NUDC: variants seen among roughly 807,000 people sequenced by gnomAD.
The protein encoded by NUDC is nuclear migration protein nudC.
NUDC carries 14 observed loss-of-function variants against 45.0 expected under a neutral mutation model. The observed-to-expected ratio is 0.31, with a 90% CI of 0.21 to 0.49. The LOEUF is 0.49. Among genes scored for constraint, NUDC ranks in the 20% least tolerant of loss-of-function variants. The probability of loss-of-function intolerance (pLI) is 0.99; values close to 1 mark genes in which losing one functional copy is unlikely to be tolerated. For synonymous variants in NUDC, 153 were observed against 156.7 expected (o/e 0.98, Z 0.17); for missense variants, 323 against 426.2 (o/e 0.76, Z 2.13).
At chr1:26,942,095 C>G (rs1292482775) in intron 4 of NUDC, among the ~76,000 whole-genome samples, 1 of 152,038 alleles carries the variant, frequency 6.6e-6, no homozygotes, top group African/African-American at 2.4e-5. Context: ...AGTTCAAGAC[C>G]AACTTGGCCA....
chr1:26,930,051 C>T (rs1477283502), intron 2 of NUDC, among the ~76,000 whole-genome samples: 5 of 152,096 alleles, frequency 3.3e-5, no homozygotes, highest in African/African-American at 1.2e-4. Flanking sequence ...ACAACAGCCA[C>T]AACAAATGTA....
Position 26,905,152 on chromosome 1 carries a change from TTA to T in NUDC, c.-16+2788_-16+2789del, listed in dbSNP as rs1484783236. Among the ~76,000 whole-genome samples the T allele has an allele frequency of 2.4e-5, 3 of 127,176 alleles. No homozygotes were observed. The South Asian group carries it at 7.8e-4, about 33-fold the overall frequency. The allele number at this position is 127,176 out of a possible 152,430, so 83.4% of individuals were successfully genotyped here. A position where few individuals can be genotyped will look rare whatever the true frequency, so the allele number is the denominator to read the frequency against. Reference sequence around the variant, plus strand: ...TGAGCCTGGCCTATTATTATTATTATTATTATTTTTTTTTTTTTTTTTTTTTG... The same window carrying T: ...TGAGCCTGGCCTATTATTATTATTATTTATTTTTTTTTTTTTTTTTTTTTG... On this transcript the variant is annotated intron_variant, in intron 2 of 6. Coordinates refer to the NUDC transcript ENST00000435827.
At chr1:26,945,241 C>T (rs1472765742) in intron 6 of NUDC, 149 bp from the exon 7 acceptor site, 2 of 697,974 alleles carry the variant, frequency 2.9e-6, no homozygotes, top group African/African-American at 3.5e-5. Flanking sequence ...AGGAAGGGCA[C>T]AGTCTTGTAC....
chr1:26,933,225 G>A lies in NUDC; in HGVS notation c.160-8232G>A, dbSNP rs537042409. On this transcript the variant is annotated intron_variant, in intron 2 of 8. Transcript: ENST00000321265. ...CTGGGATTACAGGCTTGACCACCGCGCCCGGCCACAATTTTTTTTTTTAAA... is the reference window on the plus strand; with the variant it reads ...CTGGGATTACAGGCTTGACCACCGCACCCGGCCACAATTTTTTTTTTTAAA... 4.0e-5 allele frequency among the ~76,000 whole-genome samples: 6 copies of A among 151,166 alleles called. No homozygotes were observed. In the East Asian group the frequency reaches 7.9e-4, roughly 20 times the overall value.
intron 6 of NUDC, among the ~76,000 whole-genome samples, chr1:26,943,411 T>G (rs568848804): frequency 6.6e-6 from 1 of 151,350 alleles, no homozygotes; most frequent in East Asian, 1.9e-4. Context: ...GACCGGGGGG[T>G]CTCACTATAT....
At chr1:26,926,704 G>A (rs2082135761) in intron 2 of NUDC, among the ~76,000 whole-genome samples, 1 of 151,924 alleles carries the variant, frequency 6.6e-6, no homozygotes, top group Non-Finnish European at 1.5e-5. Context: ...GGTTGTAAGT[G>A]ATTCTCCTGC....
chr1:26,921,343 A>G (rs908830470), upstream of NUDC, among the ~76,000 whole-genome samples: 1 of 152,220 alleles, frequency 6.6e-6, no homozygotes, highest in Non-Finnish European at 1.5e-5. Flanking sequence ...GAGGTCGATG[A>G]GGAGGAGGCT....
chr1:26,941,220 C>T (rs146437675), intron 2 of NUDC, among the ~76,000 whole-genome samples: 7 of 151,812 alleles, frequency 4.6e-5, no homozygotes, highest in African/African-American at 7.3e-5. Flanking sequence ...TGAGCCAGCG[C>T]GCCCGGCCAA....
chr1:26,927,860 A>T (rs1448536553), intron 2 of NUDC, among the ~76,000 whole-genome samples: 1 of 152,176 alleles, frequency 6.6e-6, no homozygotes, highest in East Asian at 1.9e-4. Context: ...CAGTGCATAT[A>T]ATGTGCATTA....
rs374895246 is a variant in NUDC at position 26,941,541 on chromosome 1, C to T, written c.244C>T (p.Arg82Trp). The part of the protein sequence containing the change: ...EKRARQEAER[R>W]EKAERAARLA... Reference sequence around the variant, plus strand: ...GAGAGCCCGGCAGGAGGCCGAGCGGCGGGAGAAGGCGGAGCGGGCGGCCAG... The same window carrying T: ...GAGAGCCCGGCAGGAGGCCGAGCGGTGGGAGAAGGCGGAGCGGGCGGCCAG... The change falls in exon 3 of 9, where the codon CGG becomes TGG. Residue 82 changes from arginine (R) to tryptophan (W), a missense_variant. Transcript: ENST00000321265. The T allele has an allele frequency of 1.2e-5, 20 of 1,611,958 alleles. No homozygotes were observed. The highest frequency in any genetic ancestry group is 6.7e-5 in the African/African-American group (5 of 74,872).
At chr1:26,936,630 C>G (rs966069349) in intron 2 of NUDC, among the ~76,000 whole-genome samples, 13 of 151,860 alleles carry the variant, frequency 8.6e-5, no homozygotes, top group African/African-American at 3.1e-4. Flanking sequence ...GTGAGTCACC[C>G]TACCTGGCCT....
At chr1:26,908,135 C>T (rs1334645075) in intron 2 of NUDC, among the ~76,000 whole-genome samples, 2 of 151,854 alleles carry the variant, frequency 1.3e-5, no homozygotes, top group African/African-American at 2.4e-5. Flanking sequence ...GCCGAGATCG[C>T]GCCACTGCAC....
chr1:26,924,359 A>G (rs1281959885), intron 2 of NUDC, among the ~76,000 whole-genome samples, 193 bp downstream of exon 2: 3 of 152,120 alleles, frequency 2.0e-5, no homozygotes, highest in Non-Finnish European at 2.9e-5. Flanking sequence ...CTTATTTCCC[A>G]TGACTTTTGC....
Position 26,941,483 on chromosome 1 carries a change from C to T in NUDC, c.186C>T (p.His62=). The stretch of plus-strand genomic sequence containing the variant: ...TTATCACACAGACTTTCAGCCACCA[C>T]AATCAGCTGGCACAGAAGACCCGGC... ...EKLITQTFSH[H]NQLAQKTRRE... Residue 62 remains histidine (H), a synonymous_variant, in exon 3 of 9, where the codon CAC becomes CAT. Transcript: ENST00000321265. 6.2e-7 allele frequency: 1 copy of T among 1,614,074 alleles called. No homozygotes were observed. The highest frequency in any genetic ancestry group is 1.1e-5 in the South Asian group (1 of 91,048).
chr1:26,915,050 C>T (rs28549681), intron 3 of NUDC, among the ~76,000 whole-genome samples: 3 of 135,050 alleles, frequency 2.2e-5, no homozygotes, highest in Non-Finnish European at 4.9e-5. Context: ...TATACACATA[C>T]ATACATACAT....
intron 2 of NUDC, among the ~76,000 whole-genome samples, chr1:26,902,524 T>G (rs1191734773): frequency 1.3e-5 from 2 of 152,206 alleles, no homozygotes; most frequent in Non-Finnish European, 2.9e-5. Context: ...GGGTCCTCCC[T>G]GCTGCAATAT....
chr1:26,914,057 G>A, intron 3 of NUDC: 1 of 837,324 alleles, frequency 1.2e-6, no homozygotes, highest in South Asian at 5.1e-5. Context: ...GACTCCAGAA[G>A]TCATGTTCAT....
chr1:26,939,832 A>T (rs1328153844), intron 2 of NUDC, among the ~76,000 whole-genome samples: 1 of 152,206 alleles, frequency 6.6e-6, no homozygotes, highest in East Asian at 1.9e-4. Context: ...GGTGATGCTG[A>T]TGCTGCAGGT....
rs748274936 is a variant in NUDC at position 26,900,435 on chromosome 1, A to G, written c.-101+35A>G. The G allele has an allele frequency of 2.5e-6, 4 of 1,608,812 alleles. No individual in the cohort carries two copies. In the East Asian group the frequency reaches 6.7e-5, roughly 27 times the overall value. On this transcript the variant is annotated intron_variant, in intron 1 of 6. Transcript: ENST00000435827. ...CGCCTCCTCCTCCGCCTCGCCGGGC[A>G]CCGCCATCTTGGATTGTCACATGAT...
Sources: allele counts gnomAD v4.1 joint callset (sites outside exome capture counted in the v4.1 genomes callset), GRCh38; gene constraint gnomAD v4.1.1; transcripts MANE v1.5; gene names NCBI Gene and HGNC (gene_info 2026-07-23, HGNC 2026-07-21).